Variants in SCLT1 observed in about 807,000 individuals in gnomAD.
SCLT1 encodes sodium channel-associated protein 1.
SCLT1 carries 78 observed loss-of-function variants against 112.8 expected under a neutral mutation model. The ratio of observed to expected loss-of-function variants is 0.69; its 90% CI spans 0.58 to 0.83. The LOEUF (loss-of-function observed/expected upper bound fraction) is 0.83. Ranked by LOEUF, SCLT1 falls within the 40% of genes least tolerant of loss-of-function variation. The pLI is 0.00. For synonymous variants in SCLT1, 257 were observed against 254.7 expected (o/e 1.01, Z -0.09); for missense variants, 747 against 770.4 (o/e 0.97, Z 0.36).
At chr4:128,891,006 C>T in intron 19 of SCLT1, 53 bp downstream of exon 19, 1 of 1,260,366 alleles carries the variant, frequency 7.9e-7, no homozygotes, top group Non-Finnish European at 1.2e-6. Flanking sequence ...AATTCTATAA[C>T]ATGTGTATCA....
chr4:129,051,622 T>G (rs939336112), intron 2 of SCLT1, among the ~76,000 whole-genome samples: 2 of 152,206 alleles, frequency 1.3e-5, no homozygotes, highest in African/African-American at 4.8e-5. Flanking sequence ...AAAGAGATTT[T>G]GGGCTGAGAC....
intron 2 of SCLT1, among the ~76,000 whole-genome samples, chr4:129,050,421 T>A (rs915613463): frequency 3.3e-5 from 5 of 152,200 alleles, no homozygotes; most frequent in Non-Finnish European, 5.9e-5. Flanking sequence ...TTTTTAATGA[T>A]CGCCATTCTA....
intron 13 of SCLT1, among the ~76,000 whole-genome samples, 187 bp from the exon 14 acceptor site, chr4:128,953,027 A>C (rs907938981): frequency 1.3e-5 from 2 of 152,192 alleles, no homozygotes; most frequent in African/African-American, 4.8e-5. Context: ...GAGTGAATAG[A>C]ATGGTATATC....
intron 5 of SCLT1, among the ~76,000 whole-genome samples, chr4:129,028,763 G>T (rs1746393146): frequency 6.6e-6 from 1 of 151,806 alleles, no homozygotes; most frequent in Admixed American, 6.6e-5. Flanking sequence ...GGAGAAAATT[G>T]TTGCAACCTA....
In SCLT1 at chr4:129,002,830, T is replaced by C. The variant is rs574517626; in HGVS notation, c.426+911A>G. Among the ~76,000 whole-genome samples the C allele has an allele frequency of 9.2e-5, 14 of 152,272 alleles. No individual in the cohort carries two copies. In the South Asian group the frequency reaches 2.9e-3, roughly 32 times the overall value. ...GAGAAATAGGAACACTTTTACACTG[T>C]TGGTGGGAGTGTAAATTAGCTCAAC... On this transcript the variant is annotated intron_variant, in intron 6 of 20. Coordinates refer to ENST00000281142, the MANE Select transcript of SCLT1 (RefSeq NM_144643.4).
chr4:129,079,424 G>A (rs1751740424), intron 2 of SCLT1, among the ~76,000 whole-genome samples: 1 of 152,158 alleles, frequency 6.6e-6, no homozygotes, highest in African/African-American at 2.4e-5. Flanking sequence ...CAAAAGACAG[G>A]GTCTACAGGC....
chr4:128,914,597 G>C (rs554833157), intron 18 of SCLT1, among the ~76,000 whole-genome samples: 1 of 152,164 alleles, frequency 6.6e-6, no homozygotes, highest in Non-Finnish European at 1.5e-5. Context: ...TAGGAGTAGC[G>C]GGGATGAAGG....
intron 2 of SCLT1, among the ~76,000 whole-genome samples, chr4:129,068,085 C>A (rs925780488): frequency 6.6e-6 from 1 of 152,138 alleles, no homozygotes; most frequent in Non-Finnish European, 1.5e-5. Flanking sequence ...TCAGAACATA[C>A]AATGTTTGGT....
chr4:129,089,950 T>C (rs1409263430), intron 1 of SCLT1, among the ~76,000 whole-genome samples: 1 of 152,080 alleles, frequency 6.6e-6, no homozygotes, highest in African/African-American at 2.4e-5. Context: ...CACCATGGCA[T>C]GAGTATACCT....
At chr4:128,873,273 G>GAAAAAAAGAAAAAAAAAAAAAAAAA (rs1732335654) in intron 5 of SCLT1, 1 of 78,660 alleles carries the variant, frequency 1.3e-5, no homozygotes, top group East Asian at 3.2e-4. Context: ...AAAAAAAAAA[G>GAAAAAAAGAAAAAAAAAAAAAAAAA]AAAAAAAGAA....
In SCLT1 at chr4:129,004,465, C is replaced by T. The variant is rs142942368; in HGVS notation, c.291-589G>A. 1.6e-3 allele frequency among the ~76,000 whole-genome samples: 247 copies of T among 151,754 alleles called. 2 individuals carry two copies. Among genetic ancestry groups the T allele is most frequent in the East Asian group, 0.013 (69 of 5,148 alleles). On this transcript the variant is annotated intron_variant, in intron 5 of 20. Coordinates refer to ENST00000281142, the MANE Select transcript of SCLT1 (RefSeq NM_144643.4). ...GGCTTAAAATTGACTTTAATCTTAA[C>T]ATTAAGGTAAATTACAGATATTTCA... is the stretch of plus-strand genomic sequence containing the variant.
At chr4:128,990,756 C>A (rs369338832) in intron 9 of SCLT1, among the ~76,000 whole-genome samples, 1 of 150,072 alleles carries the variant, frequency 6.7e-6, no homozygotes, top group Non-Finnish European at 1.5e-5. Context: ...ACAAGATCAA[C>A]GAACAAAAAT....
intron 10 of SCLT1, 31 bp downstream of exon 10, chr4:128,970,346 AG>A (rs778818652): frequency 8.8e-7 from 1 of 1,136,328 alleles, no homozygotes; most frequent in South Asian, 1.2e-5. Context: ...ACTAAGCAAT[AG>A]GTACCCATTT....
chr4:129,015,206 C>T (rs904317742), intron 5 of SCLT1, among the ~76,000 whole-genome samples: 7 of 152,154 alleles, frequency 4.6e-5, no homozygotes, highest in East Asian at 1.9e-4. Flanking sequence ...AAAACCTGCC[C>T]GCACAGACAT....
downstream of SCLT1, among the ~76,000 whole-genome samples, chr4:128,879,322 A>C (rs1206982261): frequency 6.6e-6 from 1 of 152,164 alleles, no homozygotes; most frequent in Non-Finnish European, 1.5e-5. Context: ...TTTACATGAG[A>C]GCATCTAGAT....
At chr4:128,941,422 T>C (rs889250516) in intron 17 of SCLT1, among the ~76,000 whole-genome samples, 15 of 152,106 alleles carry the variant, frequency 9.9e-5, no homozygotes, top group Non-Finnish European at 1.6e-4. Flanking sequence ...TGAACATATT[T>C]GCCTATATGC....
At position 128,973,464 on chromosome 4, in the gene SCLT1, AGGAGAG is replaced by A. The variant is rs1740872768; in HGVS notation, c.687-3002_687-2997del. ...GGGAGGGGAAGGAGTAGTGGGAGGG[AGGAGAG>A]GGAGAGGGAGGGAGAGAGGGAGAGG... On this transcript the variant is annotated intron_variant, in intron 9 of 20. Coordinates refer to ENST00000281142, the MANE Select transcript of SCLT1 (RefSeq NM_144643.4). 3.1e-5 allele frequency among the ~76,000 whole-genome samples: 4 copies of A among 128,354 alleles called. No homozygotes were observed. The Admixed American group carries it at 3.3e-4, about 11-fold the overall frequency. 84.2% of individuals were successfully genotyped at this position (128,354 alleles called of 152,430 possible). A position where few individuals can be genotyped will look rare whatever the true frequency, so the allele number is the denominator to read the frequency against.
intron 14 of SCLT1, 81 bp downstream of exon 14, chr4:128,952,688 T>A (rs1484515345): frequency 2.4e-6 from 2 of 840,858 alleles, no homozygotes; most frequent in Admixed American, 4.1e-5. Context: ...ATCTTTTGAA[T>A]GAATGAATCC....
intron 18 of SCLT1, among the ~76,000 whole-genome samples, chr4:128,912,828 G>T (rs779952069): frequency 7.2e-5 from 11 of 152,020 alleles, no homozygotes; most frequent in Non-Finnish European, 1.3e-4. Flanking sequence ...CAGAAAAGGA[G>T]GTAAGCTTTG....
Sources: gnomAD v4.1 joint callset for allele counts (sites outside exome capture counted in the v4.1 genomes callset) on GRCh38, gnomAD v4.1.1 for gene constraint, MANE v1.5 for transcripts, NCBI Gene and HGNC (gene_info 2026-07-23, HGNC 2026-07-21) for gene names.